The following SH3PXD2B variants were observed in gnomAD, a reference collection of about 807,000 sequenced individuals.
SH3PXD2B encodes the protein SH3 and PX domain-containing protein 2B.
A neutral mutation model predicts 73.1 loss-of-function variants in SH3PXD2B; 37 were observed. That is an observed-to-expected ratio of 0.51 (90% CI 0.39 to 0.67). The LOEUF is 0.67. SH3PXD2B is among the 30% of genes least tolerant of loss of function. SH3PXD2B has a pLI of 0.00. For synonymous variants in SH3PXD2B, 457 were observed against 480.5 expected, an observed-to-expected ratio of 0.95 and a Z score of 0.64; for missense variants, 1,053 against 1,197.8, an observed-to-expected ratio of 0.88 and a Z score of 1.78.
intron 8 of SH3PXD2B, among the ~76,000 whole-genome samples, chr5:172,358,026 G>A (rs74291580): frequency 0.058 from 8,800 of 152,164 alleles, 353 homozygotes; most frequent in South Asian, 0.22. Flanking sequence ...TTTTTCAAAA[G>A]TCCTATGATA....
chr5:172,364,262 C>T (rs1309901596), intron 6 of SH3PXD2B, among the ~76,000 whole-genome samples: 2 of 152,054 alleles, frequency 1.3e-5, no homozygotes, highest in Non-Finnish European at 1.5e-5. Context: ...CAGACATTTG[C>T]GGTCACAGGA....
At chr5:172,369,655 C>T (rs542771875) in intron 6 of SH3PXD2B, among the ~76,000 whole-genome samples, 1 of 152,226 alleles carries the variant, frequency 6.6e-6, no homozygotes, top group South Asian at 2.1e-4. Flanking sequence ...GTAGTCCCAG[C>T]TACTCGGGAG....
At chr5:172,411,205 A>AC (rs1758683183) in intron 2 of SH3PXD2B, among the ~76,000 whole-genome samples, 1 of 151,680 alleles carries the variant, frequency 6.6e-6, no homozygotes, top group Non-Finnish European at 1.5e-5. Flanking sequence ...ATTAAAGGGA[A>AC]CTTTTTTTTT....
intron 5 of SH3PXD2B, 129 bp downstream of exon 5, chr5:172,381,907 G>C (rs1581293534): frequency 1.5e-6 from 1 of 663,828 alleles, no homozygotes; most frequent in East Asian, 2.8e-5. Flanking sequence ...GCTAAGTGAA[G>C]TGCGGTCTCA....
At chr5:172,349,757 G>A (rs1320271082) in intron 10 of SH3PXD2B, among the ~76,000 whole-genome samples, 1 of 152,170 alleles carries the variant, frequency 6.6e-6, no homozygotes, top group African/African-American at 2.4e-5. Flanking sequence ...GAAGGTTTCT[G>A]GCATGTAGCA....
chr5:172,429,025 A>G (rs182827990), intron 1 of SH3PXD2B, among the ~76,000 whole-genome samples: 1 of 152,312 alleles, frequency 6.6e-6, no homozygotes, highest in Admixed American at 6.5e-5. Context: ...GAAATTGCTC[A>G]AGTGTCTGAT....
At chr5:172,451,154 CCAGCCCTGATGGG>C (rs1759787546) in intron 1 of SH3PXD2B, among the ~76,000 whole-genome samples, 1 of 152,202 alleles carries the variant, frequency 6.6e-6, no homozygotes, top group Admixed American at 6.5e-5. Flanking sequence ...AGCAGGTGGC[CCAGCCCTGATGGG>C]CAGCCCTGAA....
intron 2 of SH3PXD2B, among the ~76,000 whole-genome samples, chr5:172,416,387 G>A (rs1758820520): frequency 6.6e-6 from 1 of 150,918 alleles, no homozygotes; most frequent in Non-Finnish European, 1.5e-5. Context: ...GGAGTGCAGT[G>A]CACGATCTTG....
chr5:172,439,293 C>CAAAA (rs1233319484), intron 1 of SH3PXD2B, among the ~76,000 whole-genome samples: 18 of 61,584 alleles, frequency 2.9e-4, no homozygotes, highest in African/African-American at 1.4e-3. Flanking sequence ...AAAAAAAAAC[C>CAAAA]CCAAAAAAAA....
At chr5:172,326,539 T>A (rs1022932133) in intron 12 of SH3PXD2B, among the ~76,000 whole-genome samples, 1 of 152,206 alleles carries the variant, frequency 6.6e-6, no homozygotes. Context: ...CAGCTTTTCA[T>A]GATCATGTTG....
chr5:172,378,373 C>T (rs906214366), intron 5 of SH3PXD2B, among the ~76,000 whole-genome samples: 1 of 152,184 alleles, frequency 6.6e-6, no homozygotes, highest in Non-Finnish European at 1.5e-5. Flanking sequence ...GGATTCTGCA[C>T]AAATAAGGAC....
At chr5:172,439,698 A>ACGCGCGCG (rs1561584017) in intron 1 of SH3PXD2B, among the ~76,000 whole-genome samples, 14 of 111,612 alleles carry the variant, frequency 1.3e-4, no homozygotes, top group African/African-American at 5.4e-4. Context: ...GCGCGCACAC[A>ACGCGCGCG]CACACACACA....
chr5:172,380,472 T>C (rs1297047914), intron 5 of SH3PXD2B, among the ~76,000 whole-genome samples: 1 of 152,180 alleles, frequency 6.6e-6, no homozygotes, highest in Admixed American at 6.6e-5. Context: ...TGAGCCTGAA[T>C]GGCAGTTCAA....
rs147231839 is a variant in SH3PXD2B at position 172,339,387 on chromosome 5, C to T, written c.1718G>A (p.Arg573Gln). The change falls in exon 13 of 13, where the codon CGG (arginine) becomes CAG (glutamine). Residue 573 changes from arginine (R) to glutamine (Q), a missense_variant. Physicochemically the swap from Arg to Gln is conservative, Grantham distance 43. Around this residue, in one of 2 missense-constraint regions of SH3PXD2B, gnomAD observed 587 missense variants for 590.7 expected, o/e 0.99. Coordinates refer to ENST00000311601, the MANE Select transcript of SH3PXD2B (RefSeq NM_001017995.3). This position sits in a 1 kb window ranked among gnomAD's most constrained non-coding sequence, Gnocchi z 6.1. ...TTTGGGCTCTGGCCTCCTGCTGTCCCGGGCTGGAGGGATGTGTTTGGCTGG... is the reference window on the plus strand; with the variant it reads ...TTTGGGCTCTGGCCTCCTGCTGTCCTGGGCTGGAGGGATGTGTTTGGCTGG... The part of the protein sequence containing the change: ...MMPAKHIPPA[R>Q]DSRRPEPKPD... 1.9e-5 allele frequency: 31 copies of T among 1,614,054 alleles called. No individual in the cohort carries two copies. Among genetic ancestry groups the T allele is most frequent in the African/African-American group, 1.2e-4 (9 of 74,924 alleles).
In SH3PXD2B at chr5:172,339,476, C is replaced by A; in HGVS notation, c.1629G>T (p.Arg543=). The change falls in exon 13 of 13, where the codon CGG becomes CGT. Residue 543 remains arginine (R), a synonymous_variant. Transcript: ENST00000311601. This position sits in a 1 kb window ranked among gnomAD's most constrained non-coding sequence, Gnocchi z 6.1. ...EGELLERERE[R]QRTEQLRGPT... ...GGCCCCGGAGCTGCTCCGTCCTCTG[C>A]CGCTCCCGCTCCCGCTCCAGCAGCT... The A allele has an allele frequency of 6.2e-7, 1 of 1,610,584 alleles. No individual in the cohort carries two copies. The highest frequency in any genetic ancestry group is 8.5e-7 in the Non-Finnish European group (1 of 1,179,652).
intron 2 of SH3PXD2B, among the ~76,000 whole-genome samples, chr5:172,415,306 T>C (rs755725710): frequency 1.3e-5 from 2 of 152,172 alleles, no homozygotes; most frequent in East Asian, 3.9e-4. Flanking sequence ...CTGCCCTCTG[T>C]GGATAGACTC....
At chr5:172,412,435 CA>C (rs1339210700) in intron 2 of SH3PXD2B, among the ~76,000 whole-genome samples, 5 of 152,238 alleles carry the variant, frequency 3.3e-5, no homozygotes, top group African/African-American at 1.2e-4. Flanking sequence ...GAGCAGCTGC[CA>C]TCCCGGACAG....
chr5:172,373,580 G>GCATCCATCCATCCATC (rs10625047), intron 6 of SH3PXD2B, among the ~76,000 whole-genome samples: 5 of 147,668 alleles, frequency 3.4e-5, no homozygotes, highest in East Asian at 2.0e-4. Flanking sequence ...AATCAATCAA[G>GCATCCATCCATCCATC]CATCCATCCA....
At position 172,346,257 on chromosome 5, in the gene SH3PXD2B, C is replaced by T. The variant is rs145215054; in HGVS notation, c.1067G>A (p.Arg356Gln). 24 of 1,613,598 alleles carry T rather than the reference C, an allele frequency of 1.5e-5. No homozygotes were observed. In the African/African-American group the frequency reaches 1.7e-4, roughly 12 times the overall value. ...GGGCGGCTTCGGCAGGTTGAGGCCT[C>T]GAGGCTGGTACGATCACACACAGGG... ...PPPRRDMTIP[R>Q]GLNLPKPPIP... Residue 356 changes from arginine to glutamine, a missense_variant, in exon 12 of 13, where the codon CGA (arginine) becomes CAA (glutamine). Transcript: ENST00000311601.
Sources: gnomAD v4.1 joint callset for allele counts (sites outside exome capture counted in the v4.1 genomes callset) on GRCh38, gnomAD v4.1.1 for gene constraint, gnomAD v4.1.1 regional missense constraint, Gnocchi (gnomAD v3.1) non-coding constraint, MANE v1.5 for transcripts, NCBI Gene and HGNC (gene_info 2026-07-23, HGNC 2026-07-21) for gene names.